Variants in CHN1 observed in about 807,000 individuals in gnomAD.
The protein encoded by CHN1 is N-chimaerin.
A neutral mutation model predicts 59.5 loss-of-function variants in CHN1; 37 were observed. The observed-to-expected ratio is 0.62, with a 90% CI of 0.48 to 0.82. The LOEUF is 0.82. Ranked by LOEUF, CHN1 falls within the 40% of genes least tolerant of loss-of-function variation. CHN1 has a pLI of 0.00. For synonymous variants in CHN1, 206 were observed against 200.4 expected, an observed-to-expected ratio of 1.03 and a Z score of -0.24; for missense variants, 469 against 571.0, an observed-to-expected ratio of 0.82 and a Z score of 1.82.
intron 5 of CHN1, among the ~76,000 whole-genome samples, chr2:174,893,754 G>A (rs1688124409): frequency 6.6e-6 from 1 of 152,158 alleles, no homozygotes; most frequent in African/African-American, 2.4e-5. Flanking sequence ...CAAAGCTACA[G>A]TAATCAAAGT....
intron 6 of CHN1, among the ~76,000 whole-genome samples, chr2:174,851,976 A>C (rs914542612): frequency 6.6e-6 from 1 of 152,174 alleles, no homozygotes; most frequent in Non-Finnish European, 1.5e-5. Flanking sequence ...GCTGAGAGTC[A>C]AATCAAGAAC....
intron 5 of CHN1, among the ~76,000 whole-genome samples, chr2:174,893,037 G>C (rs1175216939): frequency 6.6e-6 from 1 of 152,124 alleles, no homozygotes; most frequent in East Asian, 1.9e-4. Flanking sequence ...AAAACTGAAA[G>C]CTCTTCCTCT....
chr2:174,987,406 CT>C (rs893724969), intron 1 of CHN1, among the ~76,000 whole-genome samples: 465 of 140,558 alleles, frequency 3.3e-3, no homozygotes, highest in Admixed American at 4.0e-3. Context: ...ACTCTTTTTT[CT>C]TTTTTTTTTT....
chr2:174,955,423 G>A (rs1032890212), intron 1 of CHN1, among the ~76,000 whole-genome samples: 2 of 151,838 alleles, frequency 1.3e-5, no homozygotes, highest in African/African-American at 2.4e-5. Flanking sequence ...ACTTACAGGA[G>A]GGAGTTAAGC....
intron 4 of CHN1, 31 bp from the exon 5 acceptor site, chr2:174,915,202 C>G (rs757134387): frequency 6.6e-7 from 1 of 1,512,670 alleles, no homozygotes; most frequent in Non-Finnish European, 9.1e-7. Flanking sequence ...AGAAACTGTG[C>G]TTTCTACATT....
rs1009072365 is a variant in CHN1 at position 174,799,591 on chromosome 2, G to A, written c.*525C>T. On this transcript the variant is annotated 3_prime_UTR_variant, in exon 13 of 13. Transcript: ENST00000409900. ...GCTGGAAAGAAAGTACTATGTTAGA[G>A]AAGAACTAAGAGAAACCAGAAATCA... 3 of 527,112 alleles carry A rather than the reference G, an allele frequency of 5.7e-6. No homozygotes were observed. In the Admixed American group the frequency reaches 6.7e-5, roughly 12 times the overall value. 32.7% of individuals were successfully genotyped at this position (527,112 alleles called of 1,614,324 possible). A position where few individuals can be genotyped will look rare whatever the true frequency, so the allele number is the denominator to read the frequency against.
At chr2:174,915,292 A>C in intron 4 of CHN1, 121 bp from the exon 5 acceptor site, 1 of 751,118 alleles carries the variant, frequency 1.3e-6, no homozygotes, top group Non-Finnish European at 2.2e-6. Context: ...CTGCCACATA[A>C]TGGAAGGGAA....
At chr2:174,945,386 C>T (rs916232216) in intron 2 of CHN1, 2 of 156,962 alleles carry the variant, frequency 1.3e-5, no homozygotes, top group African/African-American at 4.8e-5. Context: ...ATATTGCAAA[C>T]ATCTATCTTC....
intron 2 of CHN1, among the ~76,000 whole-genome samples, chr2:174,948,181 T>C (rs1689902004): frequency 6.6e-6 from 1 of 152,162 alleles, no homozygotes; most frequent in African/African-American, 2.4e-5. Context: ...TCTTTTACAT[T>C]TGAGTAGGTT....
chr2:174,999,064 T>G (rs1691801659), intron 1 of CHN1, among the ~76,000 whole-genome samples: 1 of 152,168 alleles, frequency 6.6e-6, no homozygotes, highest in Non-Finnish European at 1.5e-5. Context: ...GTCAGGCTTT[T>G]TTTTCTATTC....
chr2:174,939,302 C>T (rs1016193823), intron 3 of CHN1, among the ~76,000 whole-genome samples: 1 of 152,120 alleles, frequency 6.6e-6, no homozygotes, highest in Admixed American at 6.5e-5. Context: ...ATTGATTTAT[C>T]GTACCTTAAT....
At chr2:174,997,981 T>C (rs1468299439) in intron 1 of CHN1, among the ~76,000 whole-genome samples, 1 of 135,846 alleles carries the variant, frequency 7.4e-6, no homozygotes, top group African/African-American at 2.9e-5. Context: ...AGTAAGACTC[T>C]GTCTCGGGGG....
At chr2:174,818,096 G>A (rs1558936616) in intron 8 of CHN1, among the ~76,000 whole-genome samples, 1 of 152,142 alleles carries the variant, frequency 6.6e-6, no homozygotes, top group Non-Finnish European at 1.5e-5. Context: ...TTAAACATCA[G>A]CAGGTTCCTA....
chr2:174,975,016 G>A (rs953079303), intron 1 of CHN1, among the ~76,000 whole-genome samples: 2 of 151,574 alleles, frequency 1.3e-5, no homozygotes, highest in African/African-American at 2.4e-5. Flanking sequence ...GGAAAATAAT[G>A]TATGTATTTT....
At chr2:174,914,113 A>G (rs1688771186) in intron 5 of CHN1, among the ~76,000 whole-genome samples, 2 of 152,328 alleles carry the variant, frequency 1.3e-5, no homozygotes, top group East Asian at 1.9e-4. Context: ...AAGTTACTCA[A>G]TCTCCATCCA....
At chr2:174,901,825 T>G (rs368919999) in intron 5 of CHN1, among the ~76,000 whole-genome samples, 1 of 152,220 alleles carries the variant, frequency 6.6e-6, no homozygotes, top group East Asian at 1.9e-4. Flanking sequence ...ACAAAGTTAC[T>G]GATAGACCTA....
At chr2:175,000,137 ATTTTT>A (rs71031080) in intron 1 of CHN1, among the ~76,000 whole-genome samples, 1 of 111,980 alleles carries the variant, frequency 8.9e-6, no homozygotes. Context: ...CACCTGGCTA[ATTTTT>A]TTTTTTTTTT....
At chr2:174,996,517 G>A (rs1214425739) in intron 1 of CHN1, among the ~76,000 whole-genome samples, 1 of 152,232 alleles carries the variant, frequency 6.6e-6, no homozygotes, top group African/African-American at 2.4e-5. Flanking sequence ...GATGGGATAA[G>A]GGAACAGCCC....
intron 2 of CHN1, 141 bp from the exon 3 acceptor site, chr2:174,945,084 CA>C (rs1341227158): frequency 5.0e-6 from 3 of 595,912 alleles, no homozygotes; most frequent in East Asian, 2.9e-5. Context: ...ATGAACAAAA[CA>C]AAAAAAGTAA....
Sources: allele counts gnomAD v4.1 joint callset (sites outside exome capture counted in the v4.1 genomes callset), GRCh38; gene constraint gnomAD v4.1.1; transcripts MANE v1.5; gene names NCBI Gene and HGNC (gene_info 2026-07-23, HGNC 2026-07-21).